The following GTF2E1 variants were observed in gnomAD, a reference collection of about 807,000 sequenced individuals.
GTF2E1 encodes the protein TFIIE alpha subunit.
In GTF2E1, 14 loss-of-function variants were observed where a neutral mutation model predicts 34.9. The ratio of observed to expected loss-of-function variants is 0.40; its 90% CI spans 0.27 to 0.63. The LOEUF (loss-of-function observed/expected upper bound fraction) is 0.63. Among genes scored for constraint, GTF2E1 ranks in the 20% least tolerant of loss-of-function variants. GTF2E1 has a pLI of 0.39. For synonymous variants in GTF2E1, 188 were observed against 192.9 expected (o/e 0.97, Z 0.21); for missense variants, 469 against 557.7 (o/e 0.84, Z 1.60).
intron 2 of GTF2E1, among the ~76,000 whole-genome samples, chr3:120,756,786 C>T (rs1709213308): frequency 6.6e-6 from 1 of 151,874 alleles, no homozygotes. Context: ...ATTAGCTGGG[C>T]GTGGTGGAGT....
chr3:120,779,238 C>A (rs1266469032), intron 4 of GTF2E1, among the ~76,000 whole-genome samples: 1 of 152,144 alleles, frequency 6.6e-6, no homozygotes, highest in Non-Finnish European at 1.5e-5. Flanking sequence ...TTCTTTTTCC[C>A]TAATTTAATA....
chr3:120,773,143 G>A (rs551007308), intron 3 of GTF2E1, among the ~76,000 whole-genome samples: 2 of 142,478 alleles, frequency 1.4e-5, no homozygotes, highest in African/African-American at 4.9e-5. Flanking sequence ...ATTTCCACGT[G>A]GTCAGGAAAA....
chr3:120,770,349 G>A (rs142258915), intron 2 of GTF2E1, among the ~76,000 whole-genome samples: 3 of 152,230 alleles, frequency 2.0e-5, no homozygotes, highest in East Asian at 1.9e-4. Flanking sequence ...TCCCCATAAC[G>A]TAGGCCCAAA....
chr3:120,768,058 A>G (rs532660822), intron 2 of GTF2E1, among the ~76,000 whole-genome samples: 2 of 152,156 alleles, frequency 1.3e-5, no homozygotes, highest in Non-Finnish European at 2.9e-5. Flanking sequence ...TTAAAATGAG[A>G]AATGGGGTAT....
At chr3:120,755,230 A>G (rs924084153) in intron 2 of GTF2E1, among the ~76,000 whole-genome samples, 1 of 152,198 alleles carries the variant, frequency 6.6e-6, no homozygotes, top group African/African-American at 2.4e-5. Context: ...ATTCATATGT[A>G]AGTTTGGAGT....
Position 120,770,794 on chromosome 3 carries a change from A to T in GTF2E1, c.515A>T (p.Asp172Val), listed in dbSNP as rs1392212592. 2 of 1,613,628 alleles carry T rather than the reference A, an allele frequency of 1.2e-6. No individual in the cohort carries two copies. Among genetic ancestry groups the T allele is most frequent in the Admixed American group, 3.3e-5 (2 of 59,998 alleles). ...EEDESAMPKKDARTLLARFNE... is the reference protein window; with the variant it reads ...EEDESAMPKKVARTLLARFNE... Reference sequence around the variant, plus strand: ...GATGAATCAGCAATGCCCAAAAAAGATGCACGCACACTTTTGGCAAGGTTT... The same window carrying T: ...GATGAATCAGCAATGCCCAAAAAAGTTGCACGCACACTTTTGGCAAGGTTT... The change falls in exon 3 of 5, where the codon GAT (aspartate) becomes GTT (valine). Residue 172 changes from aspartate (D) to valine (V), a missense_variant. Coordinates refer to ENST00000283875, the MANE Select transcript of GTF2E1 (RefSeq NM_005513.3).
In GTF2E1 at chr3:120,763,765, C is replaced by T. The variant is rs111571318; in HGVS notation, c.449-6963C>T. ...TTGCAAAGCTCTCTTAGGTAGTTTC[C>T]TTGCTTTCACTCTTGGTTCCCGTGT... On this transcript the variant is annotated intron_variant, in intron 2 of 4. Transcript: ENST00000283875. 2.6e-5 allele frequency among the ~76,000 whole-genome samples: 4 copies of T among 152,144 alleles called. 1 individual carries two copies. The highest frequency in any genetic ancestry group is 9.6e-5 in the African/African-American group (4 of 41,506).
At position 120,767,746 on chromosome 3, in the gene GTF2E1, G is replaced by A. The variant is rs144414877; in HGVS notation, c.449-2982G>A. Among the ~76,000 whole-genome samples the A allele has an allele frequency of 5.3e-5, 8 of 152,240 alleles. No homozygotes were observed. In the East Asian group the frequency reaches 1.2e-3, roughly 22 times the overall value. On this transcript the variant is annotated intron_variant, in intron 2 of 4. Transcript: ENST00000283875. ...TCTTAGTAATAATGTTAAAGCTGCT[G>A]TTTTCATACCTGCAAAATCAGCCCT...
In GTF2E1 at chr3:120,781,270, G is replaced by C; in HGVS notation, c.1120G>C (p.Val374Leu). 6.2e-7 allele frequency: 1 copy of C among 1,614,182 alleles called. No homozygotes were observed. Among genetic ancestry groups the C allele is most frequent in the Non-Finnish European group, 8.5e-7 (1 of 1,180,016 alleles). ...DSPPRPAAVA[V>L]HKREEDEEED... is the part of the protein sequence containing the mutation. ...TCCACCCCGTCCGGCAGCTGTGGCTGTGCATAAACGAGAAGAGGATGAAGA... is the reference window on the plus strand; with the variant it reads ...TCCACCCCGTCCGGCAGCTGTGGCTCTGCATAAACGAGAAGAGGATGAAGA... Residue 374 changes from valine (V) to leucine (L), a missense_variant, in exon 5 of 5, where the codon GTG becomes CTG. Transcript: ENST00000283875.
intron 3 of GTF2E1, among the ~76,000 whole-genome samples, chr3:120,774,361 A>G (rs1709380997): frequency 6.6e-6 from 1 of 152,176 alleles, no homozygotes; most frequent in African/African-American, 2.4e-5. Flanking sequence ...TCAGACCAAG[A>G]GAAAAGAGAA....
At chr3:120,780,100 A>G (rs953822165) in intron 4 of GTF2E1, among the ~76,000 whole-genome samples, 2 of 152,224 alleles carry the variant, frequency 1.3e-5, no homozygotes, top group Non-Finnish European at 2.9e-5. Context: ...AGTTTGCTTC[A>G]TGAAAATAAA....
At chr3:120,755,525 A>G (rs1709200865) in intron 2 of GTF2E1, among the ~76,000 whole-genome samples, 1 of 152,242 alleles carries the variant, frequency 6.6e-6, no homozygotes, top group African/African-American at 2.4e-5. Flanking sequence ...GTATATGTTT[A>G]TGGGGTACAT....
chr3:120,762,658 C>T (rs114665063), intron 2 of GTF2E1, among the ~76,000 whole-genome samples: 1,667 of 152,148 alleles, frequency 0.011, 28 homozygotes, highest in African/African-American at 0.039. Context: ...TTTGGCTTTT[C>T]TTTTCAGCAG....
chr3:120,756,086 C>T (rs1159434122), intron 2 of GTF2E1, among the ~76,000 whole-genome samples: 1 of 152,154 alleles, frequency 6.6e-6, no homozygotes, highest in African/African-American at 2.4e-5. Context: ...AATGCAGATA[C>T]ATCTGATATA....
intron 2 of GTF2E1, among the ~76,000 whole-genome samples, chr3:120,766,534 C>A (rs1709310520): frequency 6.6e-6 from 1 of 151,846 alleles, no homozygotes; most frequent in African/African-American, 2.4e-5. Flanking sequence ...ATTTTTCAAC[C>A]ACCCTACTTC....
chr3:120,776,999 T>C (rs948024976), intron 4 of GTF2E1, among the ~76,000 whole-genome samples: 2 of 152,186 alleles, frequency 1.3e-5, no homozygotes, highest in Non-Finnish European at 1.5e-5. Flanking sequence ...CCCTGACTTA[T>C]ATGCATTTAA....
chr3:120,762,630 T>C (rs1387430149), intron 2 of GTF2E1, among the ~76,000 whole-genome samples: 8 of 152,208 alleles, frequency 5.3e-5, no homozygotes, highest in Non-Finnish European at 1.0e-4. Flanking sequence ...TCAGTGTTCA[T>C]GTCATTTCTA....
chr3:120,761,673 T>C (rs1709264567), intron 2 of GTF2E1, among the ~76,000 whole-genome samples: 1 of 152,236 alleles, frequency 6.6e-6, no homozygotes, highest in Non-Finnish European at 1.5e-5. Flanking sequence ...TTCATTTCAT[T>C]ATTTACCCAG....
rs375744223 is a variant in GTF2E1, at chr3:120,745,325, A to G, written c.-31+2531A>G. On this transcript the variant is annotated intron_variant, in intron 1 of 4. Transcript: ENST00000283875. ...AAAACTGTTGGATTGTAAAGTCCTC[A>G]TATCACTCCCTTATTTTAGTCTTCA... Among the ~76,000 whole-genome samples the G allele has an allele frequency of 1.6e-3, 239 of 152,346 alleles. 1 individual carries two copies. Among genetic ancestry groups the G allele is most frequent in the African/African-American group, 5.7e-3 (236 of 41,578 alleles).
Sources: gnomAD v4.1 joint callset for allele counts (sites outside exome capture counted in the v4.1 genomes callset) on GRCh38, gnomAD v4.1.1 for gene constraint, MANE v1.5 for transcripts, NCBI Gene and HGNC (gene_info 2026-07-23, HGNC 2026-07-21) for gene names.